Variants in ZNF385D observed in about 807,000 individuals in gnomAD.
ZNF385D encodes zinc finger protein 385D.
A neutral mutation model predicts 35.8 loss-of-function variants in ZNF385D; 15 were observed. That is an observed-to-expected ratio of 0.42 (90% confidence interval 0.28 to 0.64). The LOEUF is 0.64. ZNF385D is among the 30% of genes least tolerant of loss of function. ZNF385D has a pLI of 0.23. For synonymous variants in ZNF385D, 212 were observed against 186.8 expected, an observed-to-expected ratio of 1.13 and a Z score of -1.10; for missense variants, 474 against 494.6, an observed-to-expected ratio of 0.96 and a Z score of 0.39.
At chr3:21,727,196 A>G (rs1054644413) in intron 1 of ZNF385D, among the ~76,000 whole-genome samples, 2 of 152,106 alleles carry the variant, frequency 1.3e-5, no homozygotes, top group African/African-American at 2.4e-5. Flanking sequence ...ATACTTAAAC[A>G]TAAGACCTAA....
At chr3:22,090,602 A>G (rs1701278864) in intron 3 of ZNF385D, among the ~76,000 whole-genome samples, 1 of 152,168 alleles carries the variant, frequency 6.6e-6, no homozygotes, top group Non-Finnish European at 1.5e-5. Context: ...CACAGGACCG[A>G]TATTGCTAAA....
At chr3:21,757,464 T>A (rs1426326740) in intron 3 of ZNF385D, among the ~76,000 whole-genome samples, 1 of 152,146 alleles carries the variant, frequency 6.6e-6, no homozygotes, top group Non-Finnish European at 1.5e-5. Context: ...TATATGTGAC[T>A]CTTTCTAATT....
chr3:21,978,841 A>G (rs931452397), intron 3 of ZNF385D, among the ~76,000 whole-genome samples: 2 of 152,204 alleles, frequency 1.3e-5, no homozygotes, highest in Non-Finnish European at 2.9e-5. Context: ...TGCATTAGTG[A>G]CCTTGACTGT....
chr3:22,287,744 G>A (rs1702098657), intron 2 of ZNF385D, among the ~76,000 whole-genome samples: 1 of 151,888 alleles, frequency 6.6e-6, no homozygotes, highest in Non-Finnish European at 1.5e-5. Context: ...GTTTGTAATA[G>A]TTTTTCCTTT....
At chr3:22,056,765 G>C (rs1261728122) in intron 3 of ZNF385D, among the ~76,000 whole-genome samples, 1 of 152,214 alleles carries the variant, frequency 6.6e-6, no homozygotes, top group Non-Finnish European at 1.5e-5. Context: ...ACAGGTCTGA[G>C]GGTAGATTGG....
rs549937624 is a variant in ZNF385D at position 22,184,984 on chromosome 3, G to C, written c.107-15949C>G. ...CTGCCTTGTCCTGAGTTTTTAGGTA[G>C]GTTAAAATGTGTTTTAAATAAACAT... is the stretch of plus-strand genomic sequence containing the variant. On this transcript the variant is annotated intron_variant, in intron 2 of 5. Transcript: ENST00000494108. Among the ~76,000 whole-genome samples, 9 of 151,958 alleles carry C rather than the reference G, an allele frequency of 5.9e-5. No homozygotes were observed. In the South Asian group the frequency reaches 1.9e-3, roughly 32 times the overall value.
intron 2 of ZNF385D, among the ~76,000 whole-genome samples, chr3:22,364,017 T>C (rs922592705): frequency 2.6e-5 from 4 of 152,128 alleles, no homozygotes; most frequent in Admixed American, 6.5e-5. Context: ...TCATCCTTTA[T>C]GGGGTTTCTA....
rs73048110 is a variant in ZNF385D, at chr3:21,959,664, C to T, written c.325+209153G>A. 2.7e-3 allele frequency among the ~76,000 whole-genome samples: 406 copies of T among 152,220 alleles called. 1 individual carries two copies. Among genetic ancestry groups the T allele is most frequent in the Middle Eastern group, 6.8e-3 (2 of 294 alleles). ...TGTCACCATGGAAGATGGGGCTAGC[C>T]CCATGGGTGGGTACACAGAAAAGGA... On this transcript the variant is annotated intron_variant, in intron 3 of 5. Transcript: ENST00000494108.
intron 1 of ZNF385D, among the ~76,000 whole-genome samples, chr3:21,722,724 G>T (rs2068593760): frequency 6.6e-6 from 1 of 152,210 alleles, no homozygotes; most frequent in African/African-American, 2.4e-5. Flanking sequence ...AAGGAGATCA[G>T]ATCCTCTTCT....
chr3:21,747,039 CTT>C (rs201989992), intron 1 of ZNF385D, among the ~76,000 whole-genome samples: 190 of 136,206 alleles, frequency 1.4e-3, no homozygotes, highest in Admixed American at 1.7e-3. Context: ...ACTAGATTTT[CTT>C]TTTTTTTTTT....
intron 2 of ZNF385D, among the ~76,000 whole-genome samples, chr3:22,367,076 C>T (rs1333978341): frequency 2.0e-5 from 3 of 152,118 alleles, no homozygotes; most frequent in Non-Finnish European, 2.9e-5. Flanking sequence ...TTTTAAGCCT[C>T]CAATTTATAG....
chr3:21,640,029 T>C (rs2065556346), intron 2 of ZNF385D, among the ~76,000 whole-genome samples: 1 of 152,106 alleles, frequency 6.6e-6, no homozygotes, highest in Admixed American at 6.6e-5. Context: ...ATTTAAATTG[T>C]TAGCCTTAAA....
At chr3:21,633,007 T>C (rs954948054) in intron 2 of ZNF385D, among the ~76,000 whole-genome samples, 3 of 152,128 alleles carry the variant, frequency 2.0e-5, no homozygotes, top group Non-Finnish European at 1.5e-5. Context: ...ATCTGTGATG[T>C]TATTAGAATG....
At chr3:21,816,880 A>T (rs564963721) in intron 3 of ZNF385D, among the ~76,000 whole-genome samples, 19 of 152,176 alleles carry the variant, frequency 1.2e-4, no homozygotes, top group Non-Finnish European at 2.6e-4. Context: ...TGCCAAGACA[A>T]TCCTAAGCCA....
chr3:21,658,543 G>A (rs1313773714), intron 2 of ZNF385D, among the ~76,000 whole-genome samples: 3 of 151,720 alleles, frequency 2.0e-5, no homozygotes, highest in African/African-American at 7.3e-5. Context: ...TCTGTTATGT[G>A]TTTTTCCTGT....
intron 4 of ZNF385D, among the ~76,000 whole-genome samples, chr3:21,477,557 C>T (rs915055407): frequency 6.6e-6 from 1 of 152,070 alleles, no homozygotes; most frequent in Non-Finnish European, 1.5e-5. Flanking sequence ...TTCTTAAATA[C>T]CCTACTAACT....
intron 2 of ZNF385D, among the ~76,000 whole-genome samples, chr3:21,602,071 G>T (rs2064309429): frequency 6.6e-6 from 1 of 152,196 alleles, no homozygotes; most frequent in African/African-American, 2.4e-5. Context: ...CATGGCTGAA[G>T]GTGAAGGGGG....
intron 3 of ZNF385D, among the ~76,000 whole-genome samples, chr3:21,811,694 C>A (rs900946183): frequency 1.3e-5 from 2 of 152,076 alleles, no homozygotes; most frequent in Non-Finnish European, 2.9e-5. Context: ...AAATCATTAT[C>A]AAATCAAACA....
chr3:21,918,055 C>T (rs1055576359), intron 3 of ZNF385D, among the ~76,000 whole-genome samples: 2 of 152,144 alleles, frequency 1.3e-5, no homozygotes, highest in Non-Finnish European at 2.9e-5. Flanking sequence ...AGAGATGGAG[C>T]AGAGTTTTGC....
Sources: allele counts gnomAD v4.1 joint callset (sites outside exome capture counted in the v4.1 genomes callset), GRCh38; gene constraint gnomAD v4.1.1; transcripts MANE v1.5; gene names NCBI Gene and HGNC (gene_info 2026-07-23, HGNC 2026-07-21).